Variants in MBTD1 observed in about 807,000 individuals in gnomAD.
MBTD1 encodes mbt domain containing 1.
MBTD1 carries 24 observed loss-of-function variants against 87.8 expected under a neutral mutation model. The observed-to-expected ratio is 0.27, with a 90% confidence interval of 0.20 to 0.38. The LOEUF is 0.38. Ranked by LOEUF, MBTD1 falls within the 10% of genes least tolerant of loss-of-function variation. MBTD1 has a pLI of 1.00. For synonymous variants in MBTD1, 237 were observed against 248.6 expected (o/e 0.95, Z 0.44); for missense variants, 436 against 760.2 (o/e 0.57, Z 5.02).
At chr17:51,220,254 TCA>T in intron 4 of MBTD1, 74 bp downstream of exon 4, 1 of 1,382,506 alleles carries the variant, frequency 7.2e-7, no homozygotes, top group Non-Finnish European at 9.8e-7. Flanking sequence ...GTACAGTGAA[TCA>T]CAGTCAAATG....
chr17:51,210,231 T>C (rs1324364702), intron 6 of MBTD1, among the ~76,000 whole-genome samples: 1 of 152,074 alleles, frequency 6.6e-6, no homozygotes, highest in African/African-American at 2.4e-5. Context: ...CCTCAGACGA[T>C]CTGCCTGCCT....
At chr17:51,195,784 A>C (rs1598301639) in intron 12 of MBTD1, among the ~76,000 whole-genome samples, 1 of 152,202 alleles carries the variant, frequency 6.6e-6, no homozygotes, top group Non-Finnish European at 1.5e-5. Context: ...ACCTTCTTCA[A>C]GCTCCAACTT....
chr17:51,233,836 C>T (rs1416755215), intron 2 of MBTD1, among the ~76,000 whole-genome samples: 1 of 152,000 alleles, frequency 6.6e-6, no homozygotes, highest in Non-Finnish European at 1.5e-5. Flanking sequence ...CTATGCTACA[C>T]AAAAAGAGAA....
rs948026709 is a variant in MBTD1, at chr17:51,190,382, C to T, written c.1768+1821G>A. Among the ~76,000 whole-genome samples the T allele has an allele frequency of 4.6e-5, 7 of 152,046 alleles. No homozygotes were observed. The East Asian group carries it at 1.4e-3, about 29-fold the overall frequency. ...CTCCCAAAGTTGCTGGGATTAATTACAGGCATGAGCCACCGCGTCCAGTCC... is the reference window on the plus strand; with the variant it reads ...CTCCCAAAGTTGCTGGGATTAATTATAGGCATGAGCCACCGCGTCCAGTCC... On this transcript the variant is annotated intron_variant, in intron 16 of 16. Transcript: ENST00000586178.
chr17:51,221,827 A>C (rs540246523), intron 3 of MBTD1, among the ~76,000 whole-genome samples: 1 of 152,366 alleles, frequency 6.6e-6, no homozygotes, highest in East Asian at 1.9e-4. Context: ...ATTTTATATA[A>C]GGAATTTGAG....
upstream of MBTD1, chr17:51,260,734 G>T (rs1187296027): frequency 6.3e-7 from 1 of 1,588,788 alleles, no homozygotes; most frequent in East Asian, 2.3e-5. Flanking sequence ...AGCGGAAACC[G>T]CCGGCCCGGC....
In MBTD1 at chr17:51,248,454, T is replaced by A. The variant is rs544874570; in HGVS notation, c.-49+10689A>T. ...GTTTCCCTTTTACCCATTAAACTTT[T>A]AAAAATTAAGGCATACTGTTGAACA... On this transcript the variant is annotated intron_variant, in intron 2 of 16. Coordinates refer to ENST00000586178, the MANE Select transcript of MBTD1 (RefSeq NM_017643.3). 9.8e-5 allele frequency among the ~76,000 whole-genome samples: 15 copies of A among 152,304 alleles called. 1 individual carries two copies. In the South Asian group the frequency reaches 3.1e-3, roughly 32 times the overall value.
intron 3 of MBTD1, among the ~76,000 whole-genome samples, chr17:51,223,430 G>A (rs974108459): frequency 2.0e-5 from 3 of 151,974 alleles, no homozygotes; most frequent in African/African-American, 7.2e-5. Flanking sequence ...CAGCTACTTG[G>A]GAGGATGAGG....
chr17:51,231,187 T>C (rs1353584747), intron 2 of MBTD1, among the ~76,000 whole-genome samples: 2 of 152,142 alleles, frequency 1.3e-5, no homozygotes, highest in Middle Eastern at 3.2e-3. Context: ...CTGCCCGCCT[T>C]GGCCTCCCAA....
At chr17:51,195,939 GCT>G (rs916116291) in intron 12 of MBTD1, among the ~76,000 whole-genome samples, 3 of 152,106 alleles carry the variant, frequency 2.0e-5, no homozygotes, top group African/African-American at 7.2e-5. Flanking sequence ...ACAAGGTCTC[GCT>G]CTGTCACTCA....
intron 6 of MBTD1, among the ~76,000 whole-genome samples, chr17:51,215,363 G>C (rs982574620): frequency 2.3e-4 from 35 of 152,054 alleles, no homozygotes; most frequent in Non-Finnish European, 2.4e-4. Flanking sequence ...TCAAAGATTT[G>C]GACAGAAAAC....
intron 6 of MBTD1, among the ~76,000 whole-genome samples, chr17:51,210,211 T>C (rs1410597133): frequency 6.6e-6 from 1 of 151,886 alleles, no homozygotes; most frequent in Non-Finnish European, 1.5e-5. Context: ...GGCTGTTCTC[T>C]AACTTGTGAC....
intron 6 of MBTD1, 127 bp from the exon 7 acceptor site, chr17:51,207,132 T>C: frequency 1.9e-6 from 1 of 528,976 alleles, no homozygotes; most frequent in Non-Finnish European, 3.3e-6. Context: ...TTCCGTTTGT[T>C]TCCTAGAATT....
At chr17:51,184,288 T>C (rs1233762718) in intron 16 of MBTD1, 1 of 152,268 alleles carries the variant, frequency 6.6e-6, no homozygotes. Context: ...AATGTCACTT[T>C]CTACACAAAT....
intron 2 of MBTD1, among the ~76,000 whole-genome samples, chr17:51,243,111 A>G (rs185839863): frequency 5.4e-4 from 82 of 152,334 alleles, no homozygotes; most frequent in Non-Finnish European, 7.8e-4. Context: ...TGTGTAGGAT[A>G]TATGTATTTG....
chr17:51,181,137 C>T (rs962322373), intron 16 of MBTD1, among the ~76,000 whole-genome samples: 1 of 151,406 alleles, frequency 6.6e-6, no homozygotes, highest in African/African-American at 2.4e-5. Context: ...TCTCCTGCCT[C>T]AGCACCGCCC....
intron 6 of MBTD1, among the ~76,000 whole-genome samples, chr17:51,212,048 T>C (rs966498720): frequency 6.6e-6 from 1 of 151,996 alleles, no homozygotes; most frequent in Non-Finnish European, 1.5e-5. Flanking sequence ...AACAAGAGGG[T>C]ATCTGTGGAG....
chr17:51,246,935 T>C (rs9905643), intron 2 of MBTD1, among the ~76,000 whole-genome samples: 93,770 of 151,916 alleles, frequency 0.62, 29,430 homozygotes, highest in African/African-American at 0.73. Context: ...TCACTGCACC[T>C]GGCCATTTGT....
intron 5 of MBTD1, 135 bp downstream of exon 5, chr17:51,218,795 G>T: frequency 1.7e-6 from 1 of 584,734 alleles, no homozygotes; most frequent in Non-Finnish European, 3.1e-6. Context: ...CAACTATTAG[G>T]AAGCTTAGAG....
Sources: gnomAD v4.1 joint callset for allele counts (sites outside exome capture counted in the v4.1 genomes callset) on GRCh38, gnomAD v4.1.1 for gene constraint, MANE v1.5 for transcripts, NCBI Gene and HGNC (gene_info 2026-07-23, HGNC 2026-07-21) for gene names.